DNAH9: variants seen among roughly 807,000 people sequenced by gnomAD.
DNAH9 encodes the protein DNAH9 variant protein.
A neutral mutation model predicts 471.6 loss-of-function variants in DNAH9; 345 were observed. That is an observed-to-expected ratio of 0.73 (90% CI 0.67 to 0.80). The LOEUF (loss-of-function observed/expected upper bound fraction) is 0.80. DNAH9 is among the 30% of genes least tolerant of loss of function. DNAH9 has a pLI of 0.00. For missense variants in DNAH9, 5,407 were observed against 5,609.2 expected, an observed-to-expected ratio of 0.96 and a Z score of 1.15; for synonymous variants, 2,093 against 2,123.6, an observed-to-expected ratio of 0.99 and a Z score of 0.40.
intron 36 of DNAH9, among the ~76,000 whole-genome samples, chr17:11,767,927 A>C (rs1254688342): frequency 6.6e-6 from 1 of 152,160 alleles, no homozygotes; most frequent in African/African-American, 2.4e-5. Context: ...CTCATTTTGC[A>C]GACGAGGAGA....
rs557946791 is a variant in DNAH9 at position 11,726,762 on chromosome 17, C to G, written c.5710-1056C>G. ...AGAGCTGATAGTCAAAAAATGCCCA[C>G]TGAAGGCTGGGCATGGTGGCTTATG... On this transcript the variant is annotated intron_variant, in intron 27 of 68. Transcript: ENST00000262442. Among the ~76,000 whole-genome samples, 307 of 152,250 alleles carry G rather than the reference C, an allele frequency of 2.0e-3. 1 individual carries two copies. Among genetic ancestry groups the G allele is most frequent in the African/African-American group, 6.7e-3 (280 of 41,564 alleles).
intron 10 of DNAH9, among the ~76,000 whole-genome samples, chr17:11,643,177 G>A (rs1386476342): frequency 6.6e-6 from 1 of 152,216 alleles, no homozygotes; most frequent in Non-Finnish European, 1.5e-5. Context: ...AAAACCAGTT[G>A]AGGGTAACCG....
chr17:11,759,517 C>CTTTTTTTTTTTTTTTTTTTT (rs1157505657), intron 35 of DNAH9, among the ~76,000 whole-genome samples: 2 of 83,932 alleles, frequency 2.4e-5, no homozygotes, highest in Non-Finnish European at 4.5e-5. Flanking sequence ...ATACACACCA[C>CTTTTTTTTTTTTTTTTTTTT]TTTTTTTTTT....
rs930756108 is a variant in DNAH9 at position 11,902,946 on chromosome 17, G to A, written c.11600+34G>A. The stretch of plus-strand genomic sequence containing the variant: ...CAGGGTGGTGGAAGGCCCAGCATAG[G>A]CATGGGGCAAGGGCAACCTCAGGAC... On this transcript the variant is annotated intron_variant, in intron 60 of 68. Transcript: ENST00000262442. The A allele has an allele frequency of 1.9e-6, 3 of 1,595,232 alleles. No homozygotes were observed. In the East Asian group the frequency reaches 6.7e-5, roughly 36 times the overall value.
chr17:11,834,380 G>T (rs1053549442), intron 48 of DNAH9, among the ~76,000 whole-genome samples: 1 of 151,632 alleles, frequency 6.6e-6, no homozygotes, highest in Non-Finnish European at 1.5e-5. Context: ...GAAAGGTCAG[G>T]GCACATGTAA....
intron 7 of DNAH9, among the ~76,000 whole-genome samples, chr17:11,631,820 C>CT (rs369943345): frequency 1.7e-4 from 26 of 150,908 alleles, no homozygotes; most frequent in African/African-American, 3.4e-4. Context: ...TTTTCATACC[C>CT]TTTTTTTTTC....
chr17:11,737,296 G>A (rs989329652), intron 28 of DNAH9, among the ~76,000 whole-genome samples: 13 of 152,284 alleles, frequency 8.5e-5, no homozygotes, highest in South Asian at 2.1e-4. Flanking sequence ...GGAGACAGCC[G>A]TGCCCAGTGG....
At chr17:11,772,134 T>C (rs1968231320) in intron 38 of DNAH9, among the ~76,000 whole-genome samples, 1 of 152,130 alleles carries the variant, frequency 6.6e-6, no homozygotes, top group African/African-American at 2.4e-5. Context: ...ACTATTATCA[T>C]TAGGAGTACT....
intron 42 of DNAH9, among the ~76,000 whole-genome samples, chr17:11,795,055 C>T (rs1390801412): frequency 1.6e-5 from 2 of 128,256 alleles, no homozygotes; most frequent in Admixed American, 1.6e-4. Context: ...CACATGTACC[C>T]TAGAACTTAA....
At chr17:11,760,477 G>A (rs1007671454) in intron 35 of DNAH9, among the ~76,000 whole-genome samples, 6 of 151,566 alleles carry the variant, frequency 4.0e-5, no homozygotes, top group Admixed American at 3.3e-4. Context: ...CTCAATTATG[G>A]GTGCTCACTC....
chr17:11,949,582 A>G (rs1418230436), intron 67 of DNAH9, among the ~76,000 whole-genome samples: 1 of 152,018 alleles, frequency 6.6e-6, no homozygotes, highest in Non-Finnish European at 1.5e-5. Context: ...CCCAGGTTCA[A>G]GCAATTCTCC....
chr17:11,684,546 A>G (rs182654537), intron 19 of DNAH9, among the ~76,000 whole-genome samples: 113 of 152,272 alleles, frequency 7.4e-4, no homozygotes, highest in Non-Finnish European at 1.5e-3. Flanking sequence ...GGTCTTCCTG[A>G]CCTTGAGCAC....
At position 11,923,827 on chromosome 17, in the gene DNAH9, A is replaced by T. The variant is rs1478983860; in HGVS notation, c.11763A>T (p.Gly3921=). 4 of 1,613,962 alleles carry T rather than the reference A, an allele frequency of 2.5e-6. No homozygotes were observed. The South Asian group carries it at 4.4e-5, about 18-fold the overall frequency. Residue 3921 remains glycine, a synonymous_variant, in exon 62 of 69, where the codon GGA becomes GGT. Coordinates refer to ENST00000262442, the MANE Select transcript of DNAH9 (RefSeq NM_001372.4). The part of the protein sequence containing the change: ...KDVESQGRKL[G]YTFNNQNFHN... ...TCCTCCTTTTAGGAAGAAAACTTGG[A>T]TACACCTTCAACAATCAGAACTTTC...
chr17:11,720,112 A>G (rs910271313), intron 27 of DNAH9, among the ~76,000 whole-genome samples: 4 of 152,128 alleles, frequency 2.6e-5, no homozygotes, highest in Non-Finnish European at 5.9e-5. Flanking sequence ...GTTCTGAGTC[A>G]CCGAGAAAAG....
At chr17:11,927,582 A>G (rs1459716386) in intron 62 of DNAH9, among the ~76,000 whole-genome samples, 1 of 152,176 alleles carries the variant, frequency 6.6e-6, no homozygotes, top group Non-Finnish European at 1.5e-5. Context: ...GCAGGAACAC[A>G]GACCTTCTTT....
intron 38 of DNAH9, among the ~76,000 whole-genome samples, chr17:11,778,504 G>T (rs543309154): frequency 6.6e-6 from 1 of 152,150 alleles, no homozygotes; most frequent in East Asian, 1.9e-4. Flanking sequence ...CCACTGGAGG[G>T]CATAAAACAG....
intron 43 of DNAH9, among the ~76,000 whole-genome samples, chr17:11,807,464 TC>T (rs1269042014): frequency 6.6e-6 from 1 of 152,076 alleles, no homozygotes; most frequent in Non-Finnish European, 1.5e-5. Flanking sequence ...GCATCACTCA[TC>T]CCCTGCAATC....
chr17:11,881,298 C>G lies in DNAH9; in HGVS notation c.10691C>G (p.Pro3564Arg). ...HTKLANPHYQ[P>R]ELQAQATLIN... is the part of the protein sequence containing the mutation. ...AAGCTGGCTAATCCTCACTACCAGC[C>G]TGAGCTGCAGGCTCAGGCCACCCTG... Residue 3564 changes from proline to arginine, a missense_variant, in exon 55 of 69, where the codon CCT (proline) becomes CGT (arginine). Transcript: ENST00000262442. 5 of 1,614,200 alleles carry G rather than the reference C, an allele frequency of 3.1e-6. No individual in the cohort carries two copies. Among genetic ancestry groups the G allele is most frequent in the Non-Finnish European group, 4.2e-6 (5 of 1,180,038 alleles).
rs1489387120 is a variant in DNAH9, at chr17:11,821,993, C to G, written c.8781C>G (p.Ser2927Arg). 3 of 1,613,920 alleles carry G rather than the reference C, an allele frequency of 1.9e-6. No individual in the cohort carries two copies. The African/African-American group carries it at 4.0e-5, about 22-fold the overall frequency. ...IISNVRNEVK[S>R]QGLVDNRENC... Reference sequence around the variant, plus strand: ...GCAATGTGAGGAATGAAGTCAAGAGCCAGGGTCTGGTTGACAACAGAGAGA... The same window carrying G: ...GCAATGTGAGGAATGAAGTCAAGAGGCAGGGTCTGGTTGACAACAGAGAGA... Residue 2927 changes from serine to arginine, a missense_variant, in exon 46 of 69, where the codon AGC becomes AGG. Physicochemically the swap from Ser to Arg is moderately radical, Grantham distance 110. Around this residue, in one of 3 missense-constraint regions of DNAH9, gnomAD observed 4,636 missense variants for 4,900.3 expected, o/e 0.95. Coordinates refer to ENST00000262442, the MANE Select transcript of DNAH9 (RefSeq NM_001372.4).
Sources: allele counts gnomAD v4.1 joint callset (sites outside exome capture counted in the v4.1 genomes callset), GRCh38; gene constraint gnomAD v4.1.1; regional missense constraint gnomAD v4.1.1; transcripts MANE v1.5; gene names NCBI Gene and HGNC (gene_info 2026-07-23, HGNC 2026-07-21).